Variants in B3GALNT1 observed in about 807,000 individuals in gnomAD.
B3GALNT1 encodes beta-1,3-N-acetylgalactosaminyltransferase 1 (Globoside blood group).
B3GALNT1 carries 17 observed loss-of-function variants against 27.3 expected under a neutral mutation model. That is an observed-to-expected ratio of 0.62 (90% confidence interval 0.43 to 0.94). The LOEUF (loss-of-function observed/expected upper bound fraction) is 0.94. Ranked by LOEUF, B3GALNT1 falls within the 40% of genes least tolerant of loss-of-function variation. The pLI, the probability that B3GALNT1 is intolerant of heterozygous loss-of-function variation, is 0.00. For missense variants in B3GALNT1, 347 were observed against 390.0 expected (o/e 0.89, Z 0.93); for synonymous variants, 141 against 144.0 (o/e 0.98, Z 0.15).
chr3:161,090,551 A>G (rs139120757), intron 4 of B3GALNT1, among the ~76,000 whole-genome samples: 33 of 152,296 alleles, frequency 2.2e-4, no homozygotes, highest in African/African-American at 7.9e-4. Flanking sequence ...CATAATTATA[A>G]ATCAATTGCA....
intron 3 of B3GALNT1, among the ~76,000 whole-genome samples, chr3:161,102,501 C>T (rs1298858138): frequency 6.6e-6 from 1 of 152,214 alleles, no homozygotes; most frequent in African/African-American, 2.4e-5. Context: ...TTCCCCTAGC[C>T]TCTAATTCAC....
At chr3:161,090,672 C>T (rs1448780542) in intron 4 of B3GALNT1, among the ~76,000 whole-genome samples, 1 of 151,562 alleles carries the variant, frequency 6.6e-6, no homozygotes, top group Non-Finnish European at 1.5e-5. Context: ...ACCATCCTGG[C>T]TAACACGGTG....
chr3:161,098,391 TTCAGAGGTGAAGAGTTG>T (rs1307540106), intron 4 of B3GALNT1, among the ~76,000 whole-genome samples: 2 of 152,190 alleles, frequency 1.3e-5, no homozygotes, highest in African/African-American at 4.8e-5. Context: ...TCTGTTCTTC[TTCAGAGGTGAAGAGTTG>T]TCAGAGCTCA....
rs34392592 is a variant in B3GALNT1 at position 161,103,902 on chromosome 3, T to G, written c.-220-385A>C. 9.4e-3 allele frequency: 1,669 copies of G among 177,064 alleles called. 33 individuals are homozygous for G. Among genetic ancestry groups the G allele is most frequent in the African/African-American group, 0.038 (1,588 of 41,752 alleles). 11.0% of individuals were successfully genotyped at this position (177,064 alleles called of 1,614,324 possible). On this transcript the variant is annotated intron_variant, in intron 2 of 4. Coordinates refer to ENST00000320474, the MANE Select transcript of B3GALNT1 (RefSeq NM_003781.4). The stretch of plus-strand genomic sequence containing the variant: ...GCCACCACACCCAGCTAATTTTGTA[T>G]ATTTAGTAGAGACGGGGTTTCACCA...
At chr3:161,096,669 A>T (rs1484993850) in intron 4 of B3GALNT1, among the ~76,000 whole-genome samples, 2 of 152,168 alleles carry the variant, frequency 1.3e-5, no homozygotes, top group Non-Finnish European at 1.5e-5. Context: ...ATTCAATTAG[A>T]CTTGTCAATT....
rs546375382 is a variant in B3GALNT1, at chr3:161,083,989, G to C, written c.*1770C>G. 6.6e-6 allele frequency: 1 copy of C among 152,240 alleles called. No homozygotes were observed. The highest frequency in any genetic ancestry group is 2.4e-5 in the African/African-American group (1 of 41,538). 9.4% of individuals were successfully genotyped at this position (152,240 alleles called of 1,614,324 possible). The stretch of plus-strand genomic sequence containing the variant: ...CTTTTATACAACTGGCAGTGTAGTA[G>C]GTTTGTTTACACCAGCATCTCCACA... On this transcript the variant is annotated 3_prime_UTR_variant, in exon 5 of 5. Transcript: ENST00000320474.
chr3:161,090,329 C>T (rs546959759), intron 4 of B3GALNT1, among the ~76,000 whole-genome samples: 8 of 151,932 alleles, frequency 5.3e-5, no homozygotes, highest in Non-Finnish European at 1.2e-4. Flanking sequence ...ACTGATACAT[C>T]AAGCAGATAA....
In B3GALNT1 at chr3:161,088,561, G is replaced by GA. The variant is rs545509742; in HGVS notation, c.-34-1774dup. Among the ~76,000 whole-genome samples, 88 of 152,084 alleles carry GA rather than the reference G, an allele frequency of 5.8e-4. 1 individual carries two copies. Among genetic ancestry groups the GA allele is most frequent in the African/African-American group, 2.0e-3 (82 of 41,496 alleles). ...TACTTGCCATACACTGCCAATCCCA[G>GA]AAAAAAACCTGAAATGGAATAGTTT... On this transcript the variant is annotated intron_variant, in intron 4 of 4. Transcript: ENST00000320474.
rs34112645 is a variant in B3GALNT1 at position 161,103,695 on chromosome 3, C to G, written c.-220-178G>C. On this transcript the variant is annotated intron_variant, in intron 2 of 4. Transcript: ENST00000320474. ...TCTCGCTTTCAAATCACCTCATGCT[C>G]TAATCTGAAATTATACTTGGACACT... Among the ~76,000 whole-genome samples the G allele has an allele frequency of 9.0e-3, 1,375 of 152,250 alleles. 29 individuals carry two copies. The highest frequency in any genetic ancestry group is 0.032 in the African/African-American group (1,310 of 41,542).
chr3:161,104,103 A>G, intron 2 of B3GALNT1: 1 of 303,626 alleles, frequency 3.3e-6, no homozygotes, highest in South Asian at 2.8e-5. Flanking sequence ...CGAACATTTT[A>G]GTCTATGAGG....
intron 3 of B3GALNT1, among the ~76,000 whole-genome samples, chr3:161,102,147 A>G (rs983384728): frequency 5.9e-5 from 9 of 152,198 alleles, no homozygotes; most frequent in Non-Finnish European, 1.3e-4. Flanking sequence ...TTTTGCATAG[A>G]AAGTGGTAAC....
At chr3:161,104,499 A>C (rs1416186600) in intron 1 of B3GALNT1, 93 bp from the exon 2 acceptor site, 1 of 481,818 alleles carries the variant, frequency 2.1e-6, no homozygotes, top group East Asian at 7.0e-5. Context: ...ACTGAATTCA[A>C]AGACTACCCG....
Position 161,084,537 on chromosome 3 carries a change from A to AG in B3GALNT1, c.*1221dup, listed in dbSNP as rs1720809865. On this transcript the variant is annotated 3_prime_UTR_variant, in exon 5 of 5. Transcript: ENST00000320474. ...AAGAAAACTGCATAAACCCAGGAACAGGGGGCAAGGAGTGCTCCCCTTTGA... is the reference window on the plus strand; with the variant it reads ...AAGAAAACTGCATAAACCCAGGAACAGGGGGGCAAGGAGTGCTCCCCTTTGA... The AG allele has an allele frequency of 6.6e-6, 1 of 152,210 alleles. No homozygotes were observed. The highest frequency in any genetic ancestry group is 2.4e-5 in the African/African-American group (1 of 41,464). The allele number at this position is 152,210 out of a possible 1,614,324, so 9.4% of individuals were successfully genotyped here.
intron 4 of B3GALNT1, among the ~76,000 whole-genome samples, chr3:161,088,297 A>T (rs896437607): frequency 1.1e-4 from 16 of 152,194 alleles, no homozygotes; most frequent in Admixed American, 2.0e-4. Context: ...CACACAACGC[A>T]ATGTAATGTT....
At chr3:161,087,519 T>C (rs1002867282) in intron 4 of B3GALNT1, among the ~76,000 whole-genome samples, 1 of 152,210 alleles carries the variant, frequency 6.6e-6, no homozygotes, top group African/African-American at 2.4e-5. Flanking sequence ...TAGCAACTGT[T>C]TAAATCAAAG....
rs1334058903 is a variant in B3GALNT1, at chr3:161,084,891, A to G, written c.*868T>C. ...AAAGGAAATTACTGCCTTGCATTCT[A>G]CATTATTCCTAATTTCCAGGTGGAA... is the stretch of plus-strand genomic sequence containing the variant. On this transcript the variant is annotated 3_prime_UTR_variant, in exon 5 of 5. Transcript: ENST00000320474. The G allele has an allele frequency of 1.3e-5, 2 of 152,172 alleles. No individual in the cohort carries two copies. The highest frequency in any genetic ancestry group is 4.8e-5 in the African/African-American group (2 of 41,446). The allele number at this position is 152,172 out of a possible 1,614,324, so 9.4% of individuals were successfully genotyped here. A position where few individuals can be genotyped will look rare whatever the true frequency, so the allele number is the denominator to read the frequency against.
chr3:161,103,123 C>T (rs371815176), intron 3 of B3GALNT1: 1 of 158,036 alleles, frequency 6.3e-6, no homozygotes, highest in South Asian at 1.8e-4. Flanking sequence ...CTGAAGTCCT[C>T]GCTACTCTGC....
In B3GALNT1 at chr3:161,086,293, G is replaced by T. The variant is rs1425147283; in HGVS notation, c.462C>A (p.Asn154Lys). ...ATGCCATAATGGTTTTCAAGGTCAG[G>T]TTATTATATGTGTCTAAAAAATCTT... ...IRQDFLDTYN[N>K]LTLKTIMAFR... is the part of the protein sequence containing the mutation. Residue 154 changes from asparagine (N) to lysine (K), a missense_variant, in exon 5 of 5, where the codon AAC becomes AAA. By Grantham distance (94) the Asn-to-Lys change is moderately conservative. Transcript: ENST00000320474. The T allele has an allele frequency of 6.2e-7, 1 of 1,614,032 alleles. No homozygotes were observed. The highest frequency in any genetic ancestry group is 1.3e-5 in the African/African-American group (1 of 74,914).
In B3GALNT1 at chr3:161,102,800, A is replaced by G. The variant is rs921118198; in HGVS notation, c.-130+627T>C. Among the ~76,000 whole-genome samples, 9 of 152,260 alleles carry G rather than the reference A, an allele frequency of 5.9e-5. No homozygotes were observed. In the East Asian group the frequency reaches 1.3e-3, roughly 23 times the overall value. ...TAAAAGCTTCTTTGGTCTGGACATG[A>G]TATAGTTGTGAAAGGGACAAAGACA... is the stretch of plus-strand genomic sequence containing the variant. On this transcript the variant is annotated intron_variant, in intron 3 of 4. Transcript: ENST00000320474.
Sources: gnomAD v4.1 joint callset for allele counts (sites outside exome capture counted in the v4.1 genomes callset) on GRCh38, gnomAD v4.1.1 for gene constraint, MANE v1.5 for transcripts, NCBI Gene and HGNC (gene_info 2026-07-23, HGNC 2026-07-21) for gene names.